SLC1A2: variants seen among roughly 807,000 people sequenced by gnomAD.
The protein encoded by SLC1A2 is excitatory amino acid transporter 2.
In SLC1A2, 15 loss-of-function variants were observed where a neutral mutation model predicts 48.8. That is an observed-to-expected ratio of 0.31 (90% CI 0.21 to 0.47). The LOEUF (loss-of-function observed/expected upper bound fraction) is 0.47. Ranked by LOEUF, SLC1A2 falls within the 20% of genes least tolerant of loss-of-function variation. The pLI is 0.99. For synonymous variants in SLC1A2, 279 were observed against 272.6 expected, an observed-to-expected ratio of 1.02 and a Z score of -0.23; for missense variants, 502 against 730.5, an observed-to-expected ratio of 0.69 and a Z score of 3.61.
At chr11:35,334,896 T>G (rs1264426109) in intron 1 of SLC1A2, among the ~76,000 whole-genome samples, 1 of 151,992 alleles carries the variant, frequency 6.6e-6, no homozygotes, top group Non-Finnish European at 1.5e-5. Context: ...AAGACAGACA[T>G]TTTGTACAAT....
intron 1 of SLC1A2, among the ~76,000 whole-genome samples, chr11:35,364,491 A>G (rs1259352501): frequency 6.6e-6 from 1 of 152,248 alleles, no homozygotes; most frequent in Non-Finnish European, 1.5e-5. Context: ...GGTGAATGTA[A>G]CTATCTACCT....
intron 6 of SLC1A2, chr11:35,297,769 T>C (rs548165018): frequency 1.2e-4 from 18 of 152,316 alleles, no homozygotes; most frequent in Admixed American, 6.5e-4. Context: ...ATGGATTGAA[T>C]TGATGATAAT....
chr11:35,340,119 G>A (rs563534450), intron 1 of SLC1A2, among the ~76,000 whole-genome samples: 1 of 152,072 alleles, frequency 6.6e-6, no homozygotes, highest in Non-Finnish European at 1.5e-5. Flanking sequence ...CTCTGCTCAC[G>A]TGTCACTTCT....
In SLC1A2 at chr11:35,286,829, T is replaced by C; in HGVS notation, c.1214A>G (p.Glu405Gly). Residue 405 changes from glutamate (E) to glycine (G), a missense_variant, in exon 8 of 11, where the codon GAA becomes GGA. Physicochemically the swap from Glu to Gly is moderately conservative, Grantham distance 98. Transcript: ENST00000278379. ...TINMDGTALYEAVAAIFIAQM... is the reference protein window; with the variant it reads ...TINMDGTALYGAVAAIFIAQM... ...GGCTATAAAGATGGCGGCTACCGCT[T>C]CATAAAGGGCTGTACCATCCATGTT... 6.2e-7 allele frequency: 1 copy of C among 1,613,944 alleles called. No homozygotes were observed. Among genetic ancestry groups the C allele is most frequent in the Non-Finnish European group, 8.5e-7 (1 of 1,179,912 alleles).
intron 10 of SLC1A2, among the ~76,000 whole-genome samples, chr11:35,264,481 G>C (rs1950447395): frequency 6.6e-6 from 1 of 152,164 alleles, no homozygotes; most frequent in Admixed American, 6.6e-5. Context: ...TCACCTGCCA[G>C]GGTTTCTCCA....
chr11:35,386,893 T>C (rs1381197082), intron 1 of SLC1A2, among the ~76,000 whole-genome samples: 1 of 152,208 alleles, frequency 6.6e-6, no homozygotes, highest in Non-Finnish European at 1.5e-5. Flanking sequence ...GCTTTTTCAT[T>C]TTTAAAAAAG....
chr11:35,304,183 G>T (rs1216086829), intron 5 of SLC1A2, among the ~76,000 whole-genome samples: 1 of 152,058 alleles, frequency 6.6e-6, no homozygotes, highest in East Asian at 1.9e-4. Flanking sequence ...GAGTTGTGTT[G>T]AAACTCCCCA....
At chr11:35,387,817 C>CA (rs67984867) in intron 1 of SLC1A2, among the ~76,000 whole-genome samples, 5,181 of 149,520 alleles carry the variant, frequency 0.035, 256 homozygotes, top group East Asian at 0.16. Flanking sequence ...GAGGAAGTGA[C>CA]AAAAAAAAAC....
intron 1 of SLC1A2, among the ~76,000 whole-genome samples, chr11:35,349,415 T>A (rs897699344): frequency 6.6e-6 from 1 of 152,200 alleles, no homozygotes; most frequent in East Asian, 1.9e-4. Flanking sequence ...ACAAACCTTG[T>A]CCAGCCAATG....
intron 1 of SLC1A2, among the ~76,000 whole-genome samples, chr11:35,332,853 G>A (rs1035948654): frequency 5.3e-5 from 8 of 152,184 alleles, no homozygotes; most frequent in Admixed American, 3.9e-4. Flanking sequence ...GCTACCTAGA[G>A]AACATGCAAT....
intron 9 of SLC1A2, among the ~76,000 whole-genome samples, chr11:35,277,184 A>C (rs1034876285): frequency 6.6e-6 from 1 of 152,196 alleles, no homozygotes; most frequent in Non-Finnish European, 1.5e-5. Context: ...GACTGGACAA[A>C]TATTCAAACC....
intron 7 of SLC1A2, among the ~76,000 whole-genome samples, chr11:35,289,832 G>A (rs1233842421): frequency 1.3e-5 from 2 of 152,186 alleles, no homozygotes; most frequent in Admixed American, 1.3e-4. Context: ...TAAGACAAAT[G>A]TCAAGTGAAG....
intron 1 of SLC1A2, among the ~76,000 whole-genome samples, chr11:35,409,254 A>C (rs916482167): frequency 6.6e-6 from 1 of 152,212 alleles, no homozygotes; most frequent in Non-Finnish European, 1.5e-5. Flanking sequence ...TCTTGAATCA[A>C]CAGAACAATG....
chr11:35,312,372 G>A lies in SLC1A2; in HGVS notation c.387C>T (p.Ile129=). 5 of 1,614,158 alleles carry A rather than the reference G, an allele frequency of 3.1e-6. No individual in the cohort carries two copies. The highest frequency in any genetic ancestry group is 4.2e-6 in the Non-Finnish European group (5 of 1,180,002). ...RAMVYYMSTT[I]IAAVLGVILV... ...GAATGACCCCCAGTACTGCAGCAAT[G>A]ATGGTCGTGGACATGTAATACACCA... Residue 129 remains isoleucine, a synonymous_variant, in exon 4 of 11, where the codon ATC becomes ATT. Coordinates refer to ENST00000278379, the MANE Select transcript of SLC1A2 (RefSeq NM_004171.4).
At chr11:35,383,790 T>C (rs1357782906) in intron 1 of SLC1A2, among the ~76,000 whole-genome samples, 1 of 152,206 alleles carries the variant, frequency 6.6e-6, no homozygotes, top group Non-Finnish European at 1.5e-5. Context: ...GTGTCTGGCT[T>C]ACAGTAGATG....
intron 1 of SLC1A2, among the ~76,000 whole-genome samples, chr11:35,404,843 C>T (rs1565306870): frequency 6.6e-6 from 1 of 152,198 alleles, no homozygotes; most frequent in Non-Finnish European, 1.5e-5. Flanking sequence ...GTTCTCGCAA[C>T]TAACAATGGC....
chr11:35,348,719 C>G (rs1853129134), intron 1 of SLC1A2, among the ~76,000 whole-genome samples: 1 of 151,638 alleles, frequency 6.6e-6, no homozygotes, highest in South Asian at 2.1e-4. Flanking sequence ...TGGTGAAACC[C>G]TGTCTCTACT....
At chr11:35,304,671 A>G (rs1231262746) in intron 5 of SLC1A2, among the ~76,000 whole-genome samples, 1 of 152,128 alleles carries the variant, frequency 6.6e-6, no homozygotes, top group African/African-American at 2.4e-5. Flanking sequence ...TCTGCTTCTC[A>G]GTGACTGTGC....
chr11:35,332,977 C>G (rs1249913792), intron 1 of SLC1A2, among the ~76,000 whole-genome samples: 1 of 152,206 alleles, frequency 6.6e-6, no homozygotes, highest in African/African-American at 2.4e-5. Context: ...CTGAGCTAAA[C>G]CTGGTGGATC....
Sources: allele counts gnomAD v4.1 joint callset (sites outside exome capture counted in the v4.1 genomes callset), GRCh38; gene constraint gnomAD v4.1.1; transcripts MANE v1.5; gene names NCBI Gene and HGNC (gene_info 2026-07-23, HGNC 2026-07-21).